Variants in CYP27C1 observed in about 807,000 individuals in gnomAD.
The protein encoded by CYP27C1 is cytochrome P450 family 27 subfamily C member 1, also known as cytochrome P450 27C1.
CYP27C1 carries 29 observed loss-of-function variants against 40.6 expected under a neutral mutation model. The observed-to-expected ratio is 0.71, with a 90% CI of 0.53 to 0.97. CYP27C1 has a LOEUF of 0.97. Among genes scored for constraint, CYP27C1 ranks in the 50% least tolerant of loss-of-function variants. The pLI is 0.00. For synonymous variants in CYP27C1, 198 were observed against 186.8 expected (o/e 1.06, Z -0.49); for missense variants, 390 against 485.8 (o/e 0.80, Z 1.85).
At chr2:127,203,686 C>A (rs886703398) in intron 2 of CYP27C1, 115 bp from the exon 3 acceptor site, 8 of 1,063,144 alleles carry the variant, frequency 7.5e-6, no homozygotes, top group South Asian at 1.5e-5. Context: ...AGCTGCCCAA[C>A]AAAGTAGAAT....
At chr2:127,202,294 T>A (rs1683052981) in intron 3 of CYP27C1, among the ~76,000 whole-genome samples, 1 of 152,062 alleles carries the variant, frequency 6.6e-6, no homozygotes, top group Non-Finnish European at 1.5e-5. Context: ...CCCAGTTAAT[T>A]GTTGTATTTT....
intron 1 of CYP27C1, among the ~76,000 whole-genome samples, chr2:127,206,533 C>A (rs568713658): frequency 1.3e-5 from 2 of 152,308 alleles, no homozygotes; most frequent in South Asian, 4.1e-4. Flanking sequence ...GTCTCGAACT[C>A]TTGGCCTCAA....
chr2:127,201,198 G>T lies in CYP27C1; in HGVS notation c.807C>A (p.Ile269=). 6.2e-7 allele frequency: 1 copy of T among 1,614,192 alleles called. No individual in the cohort carries two copies. The highest frequency in any genetic ancestry group is 8.5e-7 in the Non-Finnish European group (1 of 1,180,034). ...GGATGAAGGGGCGAAGCCATCTGGG[G>T]ATGGCGCCTGCATACATGGAGGTCT... ...MFKTSMYAGA[I]PRWLRPFIPK... Residue 269 remains isoleucine, a synonymous_variant, in exon 4 of 9, where the codon ATC becomes ATA. Transcript: ENST00000664447. This position sits in a 1 kb window ranked among gnomAD's most constrained non-coding sequence, Gnocchi z 6.0.
In CYP27C1 at chr2:127,199,339, G is replaced by A. The variant is rs201107867; in HGVS notation, c.1047+37C>T. The A allele has an allele frequency of 4.6e-4, 734 of 1,606,654 alleles. 14 individuals are homozygous for A. The Admixed American group carries it at 0.012, about 26-fold the overall frequency. ...ATGAGGTGATGAGGAAGGGGTTATC[G>A]TGTGTTGCTTGCTGAGAACAGGACC... On this transcript the variant is annotated intron_variant, in intron 5 of 8. Transcript: ENST00000664447.
In CYP27C1 at chr2:127,196,528, T is replaced by G. The variant is rs1682908691; in HGVS notation, c.1048-1027A>C. ...TGCCACAGTATAAAGGCCTTTCTCTTTCACCAAAAAAAAAAAACTAATTTA... is the reference window on the plus strand; with the variant it reads ...TGCCACAGTATAAAGGCCTTTCTCTGTCACCAAAAAAAAAAAACTAATTTA... On this transcript the variant is annotated intron_variant, in intron 5 of 8. Transcript: ENST00000664447. The surrounding 1 kb of genome is among the most constrained non-coding windows in gnomAD (Gnocchi z 4.5). Among the ~76,000 whole-genome samples the G allele has an allele frequency of 1.2e-5, 1 of 85,164 alleles. No homozygotes were observed. The highest frequency in any genetic ancestry group is 2.5e-5 in the Non-Finnish European group (1 of 40,122). 55.9% of individuals were successfully genotyped at this position (85,164 alleles called of 152,430 possible).
At chr2:127,214,536 G>A (rs1434844049) in intron 1 of CYP27C1, among the ~76,000 whole-genome samples, 1 of 152,114 alleles carries the variant, frequency 6.6e-6, no homozygotes, top group Non-Finnish European at 1.5e-5. Flanking sequence ...GGATGAAGCT[G>A]GAAGCAATCA....
intron 8 of CYP27C1, among the ~76,000 whole-genome samples, chr2:127,190,331 C>CTTTT (rs11400543): frequency 4.0e-4 from 48 of 120,186 alleles, no homozygotes; most frequent in East Asian, 1.2e-3. Flanking sequence ...TGTGGCTTCT[C>CTTTT]TTTTTTTTTT....
chr2:127,206,959 T>C (rs887811709), intron 1 of CYP27C1, among the ~76,000 whole-genome samples: 8 of 152,208 alleles, frequency 5.3e-5, no homozygotes, highest in African/African-American at 9.6e-5. Flanking sequence ...ACAAGTTCAA[T>C]AGGACACAAA....
chr2:127,199,002 C>T lies in CYP27C1; in HGVS notation c.1047+374G>A, dbSNP rs139619508. On this transcript the variant is annotated intron_variant, in intron 5 of 8. Transcript: ENST00000664447. Reference sequence around the variant, plus strand: ...ACAAATCTGCCTTAAAAGTAGACAACGGCCAGTCGCAGTGGCTCATGCCTG... The same window carrying T: ...ACAAATCTGCCTTAAAAGTAGACAATGGCCAGTCGCAGTGGCTCATGCCTG... 4.4e-3 allele frequency among the ~76,000 whole-genome samples: 663 copies of T among 152,288 alleles called. 3 individuals carry two copies. Among genetic ancestry groups the T allele is most frequent in the African/African-American group, 0.015 (629 of 41,560 alleles).
rs1302776764 is a variant in CYP27C1 at position 127,187,176 on chromosome 2, A to G, written c.*95T>C. The G allele has an allele frequency of 2.0e-6, 2 of 1,021,500 alleles. No homozygotes were observed. The highest frequency in any genetic ancestry group is 1.7e-5 in the African/African-American group (1 of 58,112). 63.3% of individuals were successfully genotyped at this position (1,021,500 alleles called of 1,614,324 possible). On this transcript the variant is annotated 3_prime_UTR_variant, in exon 9 of 9. Coordinates refer to ENST00000664447, the MANE Select transcript of CYP27C1 (RefSeq NM_001367502.1). ...CTATAACAAGACAGCCTTTAGCGACATCGCTTTCCTTCTCCACGGTGATCA... is the reference window on the plus strand; with the variant it reads ...CTATAACAAGACAGCCTTTAGCGACGTCGCTTTCCTTCTCCACGGTGATCA...
At chr2:127,207,239 A>C (rs1683246849) in intron 1 of CYP27C1, among the ~76,000 whole-genome samples, 3 of 152,070 alleles carry the variant, frequency 2.0e-5, no homozygotes. Flanking sequence ...TCATGCCTGT[A>C]CTCTCTGCAC....
chr2:127,192,780 G>A (rs995373453), intron 8 of CYP27C1, among the ~76,000 whole-genome samples: 3 of 152,254 alleles, frequency 2.0e-5, no homozygotes, highest in Non-Finnish European at 4.4e-5. Context: ...GGGTGGGCAC[G>A]GGAGATGGGG....
rs780085144 is a variant in CYP27C1 at position 127,193,167 on chromosome 2, G to A, written c.1424C>T (p.Pro475Leu). 2 of 1,614,164 alleles carry A rather than the reference G, an allele frequency of 1.2e-6. No individual in the cohort carries two copies. The highest frequency in any genetic ancestry group is 1.7e-5 in the Admixed American group (1 of 60,016). The part of the protein sequence containing the change: ...LDRVDNFGSI[P>L]FGHGVRSCIG... ...GCAGCTGCGAACCCCATGACCAAAG[G>A]GGATGGATCCAAAATTGTCAACTCT... The change falls in exon 8 of 9, where the codon CCC becomes CTC. Residue 475 changes from proline (P) to leucine (L), a missense_variant. Transcript: ENST00000664447.
chr2:127,198,013 C>T (rs1015555370), intron 5 of CYP27C1, among the ~76,000 whole-genome samples: 2 of 152,158 alleles, frequency 1.3e-5, no homozygotes, highest in Non-Finnish European at 2.9e-5. Context: ...GCATCTTACT[C>T]ACAGGACACA....
intron 8 of CYP27C1, 48 bp downstream of exon 8, chr2:127,193,046 T>C: frequency 6.2e-7 from 1 of 1,602,794 alleles, no homozygotes; most frequent in South Asian, 1.1e-5. Flanking sequence ...TTGTGCCCAG[T>C]AGAAAGAGGC....
Position 127,201,078 on chromosome 2 carries a change from G to C in CYP27C1, c.883+44C>G. ...TGAGAGTTAGACACACAACACGGCA[G>C]GTCAACCTGCTTCTGCAAAAGGTGC... On this transcript the variant is annotated intron_variant, in intron 4 of 8. Coordinates refer to ENST00000664447, the MANE Select transcript of CYP27C1 (RefSeq NM_001367502.1). The surrounding 1 kb of genome is among the most constrained non-coding windows in gnomAD (Gnocchi z 6.0). The C allele has an allele frequency of 6.3e-7, 1 of 1,588,472 alleles. No individual in the cohort carries two copies. The highest frequency in any genetic ancestry group is 8.6e-7 in the Non-Finnish European group (1 of 1,160,450).
Position 127,188,652 on chromosome 2 carries a change from TG to T in CYP27C1, c.1498-1266del, listed in dbSNP as rs567575875. On this transcript the variant is annotated intron_variant, in intron 8 of 8. Coordinates refer to ENST00000664447, the MANE Select transcript of CYP27C1 (RefSeq NM_001367502.1). Reference sequence around the variant, plus strand: ...GAATGAATGATGAGATTGTTGATCTTGGTTCGTACCTTTGATTCCATCTCTC... The same window carrying T: ...GAATGAATGATGAGATTGTTGATCTTGTTCGTACCTTTGATTCCATCTCTC... Among the ~76,000 whole-genome samples, 159 of 146,536 alleles carry T rather than the reference TG, an allele frequency of 1.1e-3. 2 individuals carry two copies. Among genetic ancestry groups the T allele is most frequent in the African/African-American group, 4.3e-3 (157 of 36,132 alleles).
chr2:127,193,916 A>C, intron 6 of CYP27C1, 49 bp from the exon 7 acceptor site: 1 of 1,598,694 alleles, frequency 6.3e-7, no homozygotes, highest in Admixed American at 1.7e-5. Flanking sequence ...CTTTCACAGT[A>C]TTTTATTGAA....
At position 127,195,248 on chromosome 2, in the gene CYP27C1, C is replaced by T. The variant is rs368836279; in HGVS notation, c.1214+87G>A. ...ACATCCTCATCCTGAACAGGTCAGC[C>T]GGGGGGGCATTTGGAGGACTTGTTG... On this transcript the variant is annotated intron_variant, in intron 6 of 8. Transcript: ENST00000664447. The surrounding 1 kb of genome is among the most constrained non-coding windows in gnomAD (Gnocchi z 6.2). The T allele has an allele frequency of 1.7e-5, 27 of 1,553,114 alleles. No individual in the cohort carries two copies. The highest frequency in any genetic ancestry group is 4.1e-4 in the Middle Eastern group (2 of 4,930).
Sources: allele counts gnomAD v4.1 joint callset (sites outside exome capture counted in the v4.1 genomes callset), GRCh38; gene constraint gnomAD v4.1.1; non-coding constraint Gnocchi (gnomAD v3.1); transcripts MANE v1.5; gene names NCBI Gene and HGNC (gene_info 2026-07-23, HGNC 2026-07-21).